Variants in SORCS3 observed in about 807,000 individuals in gnomAD.
SORCS3 encodes sortilin related VPS10 domain containing receptor 3, also known as VPS10 domain-containing receptor SorCS3.
In SORCS3, 57 loss-of-function variants were observed where a neutral mutation model predicts 146.3. That is an observed-to-expected ratio of 0.39 (90% confidence interval 0.31 to 0.49). The LOEUF is 0.49. SORCS3 is among the 20% of genes least tolerant of loss of function. The pLI, the probability that SORCS3 is intolerant of heterozygous loss-of-function variation, is 0.92. For synonymous variants in SORCS3, 653 were observed against 618.5 expected, an observed-to-expected ratio of 1.06 and a Z score of -0.83; for missense variants, 1,341 against 1,575.5, an observed-to-expected ratio of 0.85 and a Z score of 2.52.
rs1355412638 is a variant in SORCS3 at position 105,016,134 on chromosome 10, A to AATATATAT, written c.955-26906_955-26899dup. Among the ~76,000 whole-genome samples, 81 of 113,672 alleles carry AATATATAT rather than the reference A, an allele frequency of 7.1e-4. 1 individual carries two copies. Among genetic ancestry groups the AATATATAT allele is most frequent in the African/African-American group, 1.6e-3 (41 of 25,794 alleles). 74.6% of individuals were successfully genotyped at this position (113,672 alleles called of 152,430 possible). On this transcript the variant is annotated intron_variant, in intron 4 of 26. Transcript: ENST00000369701. The stretch of plus-strand genomic sequence containing the variant: ...TATTACATATTAGAAATATTATATA[A>AATATATAT]ATATATATATATATATATATATTTT...
intron 2 of SORCS3, among the ~76,000 whole-genome samples, chr10:104,903,177 A>G (rs902339017): frequency 1.3e-5 from 2 of 152,240 alleles, no homozygotes; most frequent in African/African-American, 4.8e-5. Context: ...GAGATAAAAT[A>G]TCTATGTCAG....
At chr10:104,933,888 G>A (rs886694002) in intron 3 of SORCS3, among the ~76,000 whole-genome samples, 10 of 152,076 alleles carry the variant, frequency 6.6e-5, no homozygotes, top group Non-Finnish European at 1.0e-4. Context: ...TCCACAACCC[G>A]GGTTCAAGAG....
At chr10:104,849,177 C>T (rs972805569) in intron 2 of SORCS3, among the ~76,000 whole-genome samples, 5 of 152,090 alleles carry the variant, frequency 3.3e-5, no homozygotes, top group African/African-American at 1.2e-4. Context: ...TTGGGAGGCT[C>T]AGGCGGGTGG....
chr10:105,101,702 G>A lies in SORCS3; in HGVS notation c.1094-3695G>A, dbSNP rs369523269. ...ATACACTTGCTTCCTTTTTCAAAGT[G>A]TCCAAATGAGAGAGTGAATAGTAAA... On this transcript the variant is annotated intron_variant, in intron 6 of 26. Coordinates refer to ENST00000369701, the MANE Select transcript of SORCS3 (RefSeq NM_014978.3). Among the ~76,000 whole-genome samples, 27 of 152,224 alleles carry A rather than the reference G, an allele frequency of 1.8e-4. No homozygotes were observed. The East Asian group carries it at 3.7e-3, about 21-fold the overall frequency.
At chr10:105,066,849 G>T (rs983630611) in intron 5 of SORCS3, among the ~76,000 whole-genome samples, 2 of 151,788 alleles carry the variant, frequency 1.3e-5, no homozygotes, top group African/African-American at 4.8e-5. Flanking sequence ...AGGAATCATT[G>T]AGCCTTCTCT....
At chr10:104,999,204 T>G (rs1365526539) in intron 4 of SORCS3, among the ~76,000 whole-genome samples, 2 of 152,210 alleles carry the variant, frequency 1.3e-5, no homozygotes, top group Non-Finnish European at 1.5e-5. Flanking sequence ...ATTGGTAAAT[T>G]CTTTTTAGTC....
intron 7 of SORCS3, among the ~76,000 whole-genome samples, chr10:105,121,210 C>G (rs2055930002): frequency 6.6e-6 from 1 of 152,192 alleles, no homozygotes; most frequent in Admixed American, 6.5e-5. Context: ...ACTCACCAAT[C>G]AACAAACAGA....
At chr10:105,244,421 T>A (rs1307705081) in intron 20 of SORCS3, among the ~76,000 whole-genome samples, 1 of 152,084 alleles carries the variant, frequency 6.6e-6, no homozygotes, top group Non-Finnish European at 1.5e-5. Flanking sequence ...AAACTTAGAT[T>A]GAAAATACAG....
rs1407514514 is a variant in SORCS3, at chr10:104,913,795, C to T, written c.696-2038C>T. 6.6e-5 allele frequency among the ~76,000 whole-genome samples: 8 copies of T among 121,484 alleles called. No homozygotes were observed. In the East Asian group the frequency reaches 1.4e-3, roughly 21 times the overall value. The allele number at this position is 121,484 out of a possible 152,430, so 79.7% of individuals were successfully genotyped here. A position where few individuals can be genotyped will look rare whatever the true frequency, so the allele number is the denominator to read the frequency against. On this transcript the variant is annotated intron_variant, in intron 2 of 26. Transcript: ENST00000369701. ...TTTTTTTTTTTTTTTTTTTCCGAGA[C>T]GGAGTCTCACTGTCACTCAGGCTGG...
intron 8 of SORCS3, among the ~76,000 whole-genome samples, chr10:105,139,743 G>A (rs2056082897): frequency 6.6e-6 from 1 of 152,040 alleles, no homozygotes; most frequent in South Asian, 2.1e-4. Context: ...CATTTCCCAG[G>A]GGCAGTAATG....
intron 4 of SORCS3, among the ~76,000 whole-genome samples, chr10:104,992,921 T>TC (rs370248521): frequency 1.3e-5 from 2 of 152,120 alleles, no homozygotes; most frequent in Admixed American, 6.5e-5. Flanking sequence ...GTTTTTTTTT[T>TC]CTCTGTGTTT....
chr10:104,951,796 C>A (rs1421136947), intron 3 of SORCS3, among the ~76,000 whole-genome samples: 1 of 152,118 alleles, frequency 6.6e-6, no homozygotes, highest in Non-Finnish European at 1.5e-5. Context: ...GAAGTCACAT[C>A]CCAGGATATT....
chr10:105,040,682 G>A (rs1218374088), intron 4 of SORCS3, among the ~76,000 whole-genome samples: 2 of 151,882 alleles, frequency 1.3e-5, no homozygotes, highest in Non-Finnish European at 2.9e-5. Context: ...TTTAGTGGTT[G>A]TAGAGCTTTG....
At chr10:104,994,488 A>C (rs539946526) in intron 4 of SORCS3, among the ~76,000 whole-genome samples, 2 of 152,270 alleles carry the variant, frequency 1.3e-5, no homozygotes, top group Admixed American at 1.3e-4. Context: ...AAAATATATA[A>C]ACTTGATAAA....
chr10:104,811,320 G>T (rs1220761189), intron 1 of SORCS3, among the ~76,000 whole-genome samples: 3 of 152,236 alleles, frequency 2.0e-5, no homozygotes, highest in Non-Finnish European at 4.4e-5. Flanking sequence ...ACTCTAAGTT[G>T]CACATGCAAG....
chr10:105,214,896 T>C (rs1214684202), intron 18 of SORCS3, among the ~76,000 whole-genome samples: 1 of 152,200 alleles, frequency 6.6e-6, no homozygotes, highest in African/African-American at 2.4e-5. Context: ...AAGTCTGCTT[T>C]GCTGAGGAAT....
chr10:104,660,301 T>TCTAA (rs5787538), intron 1 of SORCS3, among the ~76,000 whole-genome samples: 148,769 of 152,170 alleles, frequency 0.98, 72,777 homozygotes, highest in East Asian at 1. Context: ...TTATCCTGCA[T>TCTAA]CTGTGCATCC....
chr10:105,174,210 TA>T (rs1234399395), intron 13 of SORCS3, among the ~76,000 whole-genome samples: 2 of 152,268 alleles, frequency 1.3e-5, no homozygotes, highest in South Asian at 2.1e-4. Context: ...ATGTTGCCAC[TA>T]TTTGGAGATC....
intron 20 of SORCS3, among the ~76,000 whole-genome samples, chr10:105,240,237 C>A (rs1479655383): frequency 6.6e-6 from 1 of 152,186 alleles, no homozygotes; most frequent in African/African-American, 2.4e-5. Context: ...CCCAAGACAG[C>A]ACCGACCAGC....
Sources: allele counts gnomAD v4.1 joint callset (sites outside exome capture counted in the v4.1 genomes callset), GRCh38; gene constraint gnomAD v4.1.1; transcripts MANE v1.5; gene names NCBI Gene and HGNC (gene_info 2026-07-23, HGNC 2026-07-21).